Variants in NPHP1 observed in about 807,000 individuals in gnomAD.
NPHP1 encodes nephrocystin 1, also known as nephrocystin-1.
NPHP1 carries 70 observed loss-of-function variants against 90.4 expected under a neutral mutation model. That is an observed-to-expected ratio of 0.77 (90% CI 0.64 to 0.95). NPHP1 has a LOEUF of 0.95. Among genes scored for constraint, NPHP1 ranks in the 40% least tolerant of loss-of-function variants. NPHP1 has a pLI of 0.00. For synonymous variants in NPHP1, 256 were observed against 271.7 expected (o/e 0.94, Z 0.57); for missense variants, 764 against 795.9 (o/e 0.96, Z 0.48).
chr2:110,171,366 TAAAATGGG>T (rs1683119560), intron 4 of NPHP1, among the ~76,000 whole-genome samples: 1 of 152,118 alleles, frequency 6.6e-6, no homozygotes, highest in African/African-American at 2.4e-5. Context: ...AGCTTATCTT[TAAAATGGG>T]AAAACAATAC....
At position 110,130,026 on chromosome 2, in the gene NPHP1, C is replaced by T. The variant is rs948096117; in HGVS notation, c.1643-767G>A. On this transcript the variant is annotated intron_variant, in intron 17 of 19. Coordinates refer to ENST00000445609, the MANE Select transcript of NPHP1 (RefSeq NM_001128178.3). The stretch of plus-strand genomic sequence containing the variant: ...GTGTCTGGTAAGGGCCTTCTTACAA[C>T]ATCCTCCAGAGGGGAGGAACACTGT... 3.3e-4 allele frequency among the ~76,000 whole-genome samples: 50 copies of T among 152,156 alleles called. 2 individuals carry two copies. The highest frequency in any genetic ancestry group is 6.2e-4 in the Non-Finnish European group (42 of 68,006).
At chr2:110,200,970 GAATT>G (rs1209528455) in intron 2 of NPHP1, among the ~76,000 whole-genome samples, 1 of 152,174 alleles carries the variant, frequency 6.6e-6, no homozygotes, top group East Asian at 1.9e-4. Context: ...CAAATGTTAT[GAATT>G]AATAGTCTAA....
intron 10 of NPHP1, 99 bp from the exon 11 acceptor site, chr2:110,160,354 T>C (rs1682220722): frequency 1.1e-6 from 1 of 945,410 alleles, no homozygotes; most frequent in African/African-American, 1.7e-5. Context: ...ACAGAATTTT[T>C]AAAAAAGAAA....
intron 13 of NPHP1, among the ~76,000 whole-genome samples, chr2:110,147,556 A>C (rs972348765): frequency 3.3e-5 from 5 of 152,142 alleles, no homozygotes; most frequent in Admixed American, 6.5e-5. Context: ...TCCCTTAATT[A>C]GAAACCTCAG....
chr2:110,124,352 G>A (rs1257315806), intron 19 of NPHP1: 4 of 488,594 alleles, frequency 8.2e-6, no homozygotes, highest in African/African-American at 7.7e-5. Context: ...ATTCTGTCAA[G>A]GTATTGCAGT....
intron 3 of NPHP1, chr2:110,179,045 A>G (rs1683700497): frequency 6.3e-6 from 1 of 157,692 alleles, no homozygotes; most frequent in Admixed American, 6.2e-5. Context: ...GATGCAGTAA[A>G]GGGGAGTAAT....
intron 4 of NPHP1, among the ~76,000 whole-genome samples, chr2:110,176,704 T>C (rs1449274400): frequency 6.6e-6 from 1 of 152,206 alleles, no homozygotes; most frequent in Non-Finnish European, 1.5e-5. Context: ...TCATGGTTGT[T>C]ACTCTCAGGG....
rs559158015 is a variant in NPHP1 at position 110,132,680 on chromosome 2, A to G, written c.1530-889T>C. Reference sequence around the variant, plus strand: ...AAACAAAACAACAACAACAAATGAAATAAGTATGGAGTGCTTAATGTAGTG... The same window carrying G: ...AAACAAAACAACAACAACAAATGAAGTAAGTATGGAGTGCTTAATGTAGTG... On this transcript the variant is annotated intron_variant, in intron 16 of 19. Coordinates refer to ENST00000445609, the MANE Select transcript of NPHP1 (RefSeq NM_001128178.3). Among the ~76,000 whole-genome samples, 141 of 152,304 alleles carry G rather than the reference A, an allele frequency of 9.3e-4. 1 individual carries two copies. The highest frequency in any genetic ancestry group is 3.3e-3 in the African/African-American group (139 of 41,574).
At position 110,128,953 on chromosome 2, in the gene NPHP1, T is replaced by C. The variant is rs995304764; in HGVS notation, c.1716+233A>G. 9.0e-6 allele frequency: 5 copies of C among 553,358 alleles called. No individual in the cohort carries two copies. In the South Asian group the frequency reaches 1.2e-4, roughly 13 times the overall value. 34.3% of individuals were successfully genotyped at this position (553,358 alleles called of 1,614,324 possible). A position where few individuals can be genotyped will look rare whatever the true frequency, so the allele number is the denominator to read the frequency against. On this transcript the variant is annotated intron_variant, in intron 18 of 19. Transcript: ENST00000445609. ...AAGTCAAGGAAAAAATGGGCAAAGA[T>C]TGCAATAGTGTACATAGCAGGCACT...
chr2:110,182,872 C>T (rs1258256792), intron 2 of NPHP1, among the ~76,000 whole-genome samples: 1 of 152,064 alleles, frequency 6.6e-6, no homozygotes, highest in African/African-American at 2.4e-5. Context: ...GAGTCAAGAT[C>T]CATCGGTATG....
intron 2 of NPHP1, among the ~76,000 whole-genome samples, chr2:110,189,466 T>C (rs1208237333): frequency 6.6e-6 from 1 of 152,010 alleles, no homozygotes; most frequent in Non-Finnish European, 1.5e-5. Flanking sequence ...TCTCGCTGAC[T>C]TCAGGAGTGA....
At position 110,165,063 on chromosome 2, in the gene NPHP1, T is replaced by G; in HGVS notation, c.717A>C (p.Glu239Asp). The change falls in exon 7 of 20, where the codon GAA becomes GAC. Residue 239 changes from glutamate to aspartate, a missense_variant. Transcript: ENST00000445609. ...TCCCACTTTTGTACCTTTGCTTAAC[T>G]TCTGCTCCATCTGCTGTTTCATCCA... Reference protein sequence around the residue: ...EAVDETADGAEVKQRTDPHWS... With the variant: ...EAVDETADGADVKQRTDPHWS... The G allele has an allele frequency of 7.4e-6, 12 of 1,613,004 alleles. No individual in the cohort carries two copies. The highest frequency in any genetic ancestry group is 1.0e-5 in the Non-Finnish European group (12 of 1,179,050).
At chr2:110,137,123 G>A (rs1680259952) in intron 16 of NPHP1, among the ~76,000 whole-genome samples, 1 of 152,110 alleles carries the variant, frequency 6.6e-6, no homozygotes, top group African/African-American at 2.4e-5. Context: ...CTAGCCATAT[G>A]TAGAAAGCTG....
Position 110,129,825 on chromosome 2 carries a change from C to G in NPHP1, c.1643-566G>C, listed in dbSNP as rs17842647. 5.5e-3 allele frequency among the ~76,000 whole-genome samples: 830 copies of G among 152,260 alleles called. 13 individuals carry two copies. Among genetic ancestry groups the G allele is most frequent in the African/African-American group, 0.017 (709 of 41,550 alleles). On this transcript the variant is annotated intron_variant, in intron 17 of 19. Transcript: ENST00000445609. Reference sequence around the variant, plus strand: ...ACAGTGAGGGAGAATATTGACATTTCACAATAGATAACAGCACATGAAAAA... The same window carrying G: ...ACAGTGAGGGAGAATATTGACATTTGACAATAGATAACAGCACATGAAAAA...
At chr2:110,159,511 T>C (rs908183627) in intron 11 of NPHP1, among the ~76,000 whole-genome samples, 4 of 151,984 alleles carry the variant, frequency 2.6e-5, no homozygotes, top group Non-Finnish European at 4.4e-5. Flanking sequence ...TTCAGTAAAT[T>C]ATGGTTCTCC....
chr2:110,124,326 G>A (rs761219501), intron 19 of NPHP1: 10 of 543,548 alleles, frequency 1.8e-5, no homozygotes, highest in Non-Finnish European at 3.3e-5. Flanking sequence ...TAAGCTCCAT[G>A]GAGGGTGTCT....
At chr2:110,168,658 T>G (rs1682892075) in intron 5 of NPHP1, 105 bp from the exon 6 acceptor site, 1 of 782,274 alleles carries the variant, frequency 1.3e-6, no homozygotes, top group Non-Finnish European at 2.2e-6. Context: ...GCAAAATCTT[T>G]TTTTAATCCA....
intron 2 of NPHP1, among the ~76,000 whole-genome samples, chr2:110,186,366 C>A (rs953829271): frequency 4.6e-5 from 7 of 152,180 alleles, no homozygotes; most frequent in Non-Finnish European, 8.8e-5. Context: ...GCCACTATAG[C>A]TGACCAGGCA....
chr2:110,197,742 G>A (rs919923779), intron 2 of NPHP1, among the ~76,000 whole-genome samples: 2 of 152,070 alleles, frequency 1.3e-5, no homozygotes, highest in African/African-American at 4.8e-5. Flanking sequence ...AGAGAACCTA[G>A]CTGCAGGCTT....
Sources: allele counts gnomAD v4.1 joint callset (sites outside exome capture counted in the v4.1 genomes callset), GRCh38; gene constraint gnomAD v4.1.1; transcripts MANE v1.5; gene names NCBI Gene and HGNC (gene_info 2026-07-23, HGNC 2026-07-21).